EMID1: variants seen among roughly 807,000 people sequenced by gnomAD.
EMID1 encodes the protein EMI domain containing 1.
A neutral mutation model predicts 60.6 loss-of-function variants in EMID1; 40 were observed. That is an observed-to-expected ratio of 0.66 (90% confidence interval 0.51 to 0.86). EMID1 has a LOEUF of 0.86. Among genes scored for constraint, EMID1 ranks in the 40% least tolerant of loss-of-function variants. The pLI is 0.00. For synonymous variants in EMID1, 242 were observed against 231.0 expected (o/e 1.05, Z -0.43); for missense variants, 585 against 597.1 (o/e 0.98, Z 0.21).
chr22:29,240,012 C>T (rs750733605), intron 12 of EMID1, among the ~76,000 whole-genome samples: 2 of 152,082 alleles, frequency 1.3e-5, no homozygotes, highest in Non-Finnish European at 2.9e-5. Context: ...GAGCTTTCAC[C>T]GTGTTGGCCA....
rs1185318451 is a variant in EMID1 at position 29,253,905 on chromosome 22, G to A, written c.1120-298G>A. 4.1e-6 allele frequency: 4 copies of A among 985,342 alleles called. No homozygotes were observed. In the African/African-American group the frequency reaches 7.0e-5, roughly 17 times the overall value. The allele number at this position is 985,342 out of a possible 1,614,324, so 61.0% of individuals were successfully genotyped here. ...CTTCTGGGACTGCCGTTCTGCCCCTGAAGATTGGCTCCCCCTGCCTTCAGC... is the reference window on the plus strand; with the variant it reads ...CTTCTGGGACTGCCGTTCTGCCCCTAAAGATTGGCTCCCCCTGCCTTCAGC... On this transcript the variant is annotated intron_variant, in intron 13 of 14. Coordinates refer to ENST00000334018, the MANE Select transcript of EMID1 (RefSeq NM_133455.4).
At chr22:29,215,768 C>T in intron 3 of EMID1, 138 bp downstream of exon 3, 4 of 689,146 alleles carry the variant, frequency 5.8e-6, no homozygotes, top group Non-Finnish European at 7.5e-6. Context: ...GAGCCTGGCT[C>T]AGACACAGTC....
chr22:29,233,209 G>A lies in EMID1; in HGVS notation c.824-170G>A, dbSNP rs954088116. The A allele has an allele frequency of 1.8e-5, 12 of 684,140 alleles. No homozygotes were observed. The highest frequency in any genetic ancestry group is 2.6e-5 in the Non-Finnish European group (10 of 387,202). 42.4% of individuals were successfully genotyped at this position (684,140 alleles called of 1,614,324 possible). A position where few individuals can be genotyped will look rare whatever the true frequency, so the allele number is the denominator to read the frequency against. The stretch of plus-strand genomic sequence containing the variant: ...ACATCTCCCTGCCTCCTGGTCTTGC[G>A]GGACCAACACTCTCCACACTCCTCA... On this transcript the variant is annotated intron_variant, in intron 8 of 14. Transcript: ENST00000334018.
intron 13 of EMID1, among the ~76,000 whole-genome samples, chr22:29,252,321 T>TA (rs2041557504): frequency 6.6e-6 from 1 of 152,178 alleles, no homozygotes; most frequent in South Asian, 2.1e-4. Context: ...AGAGACCTCT[T>TA]AGTTGTTTAG....
intron 5 of EMID1, among the ~76,000 whole-genome samples, chr22:29,227,720 A>C (rs1005835575): frequency 8.6e-5 from 13 of 151,288 alleles, no homozygotes; most frequent in African/African-American, 2.7e-4. Flanking sequence ...AAAAAAAAAA[A>C]AAAAAAACAA....
rs1401547224 is a variant in EMID1, at chr22:29,232,333, C to T, written c.754C>T (p.Pro252Ser). 18 of 1,609,548 alleles carry T rather than the reference C, an allele frequency of 1.1e-5. No homozygotes were observed. Among genetic ancestry groups the T allele is most frequent in the Admixed American group, 1.7e-5 (1 of 59,826 alleles). Residue 252 changes from proline to serine, a missense_variant, in exon 8 of 15, where the codon CCA (proline) becomes TCA (serine). Physicochemically the swap from Pro to Ser is moderately conservative, Grantham distance 74. Coordinates refer to ENST00000334018, the MANE Select transcript of EMID1 (RefSeq NM_133455.4). ...TGGAGAGAGGGGACCTCCTGGGCCA[C>T]CAGGGCCTCCTGGCCCCCCTGGGCC... ...TPGERGPPGP[P>S]GPPGPPGPPA...
chr22:29,259,041 T>G lies in EMID1; in HGVS notation c.*97T>G. The G allele has an allele frequency of 6.6e-7, 1 of 1,520,808 alleles. No individual in the cohort carries two copies. Among genetic ancestry groups the G allele is most frequent in the Non-Finnish European group, 8.8e-7 (1 of 1,134,212 alleles). The allele number at this position is 1,520,808 out of a possible 1,614,324, so 94.2% of individuals were successfully genotyped here. ...GGGACCGCCCGTCCATATTTATTAATGTCCTCAGGGTCCCTTCTGCCATCT... is the reference window on the plus strand; with the variant it reads ...GGGACCGCCCGTCCATATTTATTAAGGTCCTCAGGGTCCCTTCTGCCATCT... On this transcript the variant is annotated 3_prime_UTR_variant, in exon 15 of 15. Transcript: ENST00000334018.
intron 13 of EMID1, among the ~76,000 whole-genome samples, chr22:29,252,418 T>C (rs1032412345): frequency 1.3e-4 from 20 of 152,230 alleles, no homozygotes; most frequent in Admixed American, 1.1e-3. Flanking sequence ...TTATCTGTAC[T>C]GAGTAAAGGG....
intron 3 of EMID1, among the ~76,000 whole-genome samples, chr22:29,216,102 GC>G (rs11423085): frequency 1.3e-5 from 2 of 151,992 alleles, no homozygotes; most frequent in South Asian, 2.1e-4. Flanking sequence ...TGCACTCCCC[GC>G]CCCCCCACCC....
intron 8 of EMID1, chr22:29,233,050 G>A: frequency 2.8e-6 from 1 of 358,554 alleles, no homozygotes; most frequent in Non-Finnish European, 5.2e-6. Context: ...ATGTACAGAA[G>A]CCTGGCACAC....
chr22:29,258,927 CG>C lies in EMID1; in HGVS notation c.1318del (p.Asp440ThrfsTer11), dbSNP rs1569014819. The C allele has an allele frequency of 6.2e-7, 1 of 1,612,836 alleles. No homozygotes were observed. Among genetic ancestry groups the C allele is most frequent in the South Asian group, 1.1e-5 (1 of 91,042 alleles). ...TNYRIVAPRS[R>X]DERG ...CTACCGGATCGTGGCCCCCAGGAGC[CG>C]GGACGAGAGAGGCTGAGGGTGGTGG... On this transcript the variant is annotated frameshift_variant, in exon 15 of 15. Transcript: ENST00000334018. LOFTEE classifies it high-confidence loss of function.
intron 5 of EMID1, 94 bp downstream of exon 5, chr22:29,226,645 C>G: frequency 7.7e-7 from 1 of 1,306,406 alleles, no homozygotes; most frequent in Non-Finnish European, 1.0e-6. Flanking sequence ...TCCCCGCACC[C>G]CATGCTCGCA....
intron 1 of EMID1, among the ~76,000 whole-genome samples, chr22:29,207,377 C>G (rs554245292): frequency 2.0e-5 from 3 of 152,190 alleles, no homozygotes; most frequent in Non-Finnish European, 4.4e-5. Flanking sequence ...GAGGTATGCT[C>G]TTTATGATTC....
rs754734873 is a variant in EMID1, at chr22:29,231,050, G to A, written c.496G>A (p.Val166Ile). 20 of 1,613,914 alleles carry A rather than the reference G, an allele frequency of 1.2e-5. No individual in the cohort carries two copies. In the African/African-American group the frequency reaches 1.6e-4, roughly 13 times the overall value. The change falls in exon 6 of 15, where the codon GTA becomes ATA. Residue 166 changes from valine to isoleucine, a missense_variant. By Grantham distance (29) the Val-to-Ile change is conservative. Coordinates refer to ENST00000334018, the MANE Select transcript of EMID1 (RefSeq NM_133455.4). ...CATGCTGACTGTCATAGAGCAGCCA[G>A]TACCTCCAACACCAGCTACCCCTGA... Reference protein sequence around the residue: ...MTMLTVIEQPVPPTPATPEDP... With the variant: ...MTMLTVIEQPIPPTPATPEDP...
chr22:29,232,153 T>C, intron 7 of EMID1, 103 bp from the exon 8 acceptor site: 13 of 1,418,160 alleles, frequency 9.2e-6, no homozygotes, highest in Non-Finnish European at 1.2e-5. Context: ...TCCGGGGCCC[T>C]CTCTCATGCC....
chr22:29,254,364 C>A, intron 14 of EMID1, 77 bp downstream of exon 14: 1 of 1,396,972 alleles, frequency 7.2e-7, no homozygotes, highest in Non-Finnish European at 1.0e-6. Context: ...TGGGGTGGAA[C>A]TGGCCTGAGC....
intron 4 of EMID1, among the ~76,000 whole-genome samples, chr22:29,225,906 G>A (rs983082429): frequency 1.3e-5 from 2 of 152,216 alleles, no homozygotes; most frequent in South Asian, 2.1e-4. Flanking sequence ...GGCGGCCGGG[G>A]GAGCGGTGCT....
At position 29,233,756 on chromosome 22, in the gene EMID1, G is replaced by T. The variant is rs2040840022; in HGVS notation, c.966+90G>T. 3.2e-6 allele frequency: 4 copies of T among 1,242,162 alleles called. No individual in the cohort carries two copies. The Admixed American group carries it at 8.2e-5, about 26-fold the overall frequency. 76.9% of individuals were successfully genotyped at this position (1,242,162 alleles called of 1,614,324 possible). On this transcript the variant is annotated intron_variant, in intron 10 of 14. Transcript: ENST00000334018. ...ATACATCTGTCCATCATCCACCCTTGTATCCATCTATCCATCCATCCATTC... is the reference window on the plus strand; with the variant it reads ...ATACATCTGTCCATCATCCACCCTTTTATCCATCTATCCATCCATCCATTC...
chr22:29,246,310 A>C lies in EMID1; in HGVS notation c.1119+2821A>C, dbSNP rs138205569. ...AGGAATTTGGACTTTGTTCTAGGGC[A>C]GTGGGGAGGCATTGAAGGCTCTAGA... On this transcript the variant is annotated intron_variant, in intron 13 of 14. Transcript: ENST00000334018. 3.1e-4 allele frequency among the ~76,000 whole-genome samples: 47 copies of C among 152,362 alleles called. 1 individual carries two copies. In the East Asian group the frequency reaches 6.2e-3, roughly 20 times the overall value.
Sources: gnomAD v4.1 joint callset for allele counts (sites outside exome capture counted in the v4.1 genomes callset) on GRCh38, gnomAD v4.1.1 for gene constraint, MANE v1.5 for transcripts, NCBI Gene and HGNC (gene_info 2026-07-23, HGNC 2026-07-21) for gene names.